STS: variants seen among roughly 807,000 people sequenced by gnomAD.
The protein encoded by STS is steroid sulfatase, also known as steryl-sulfatase.
STS carries 7 observed loss-of-function variants against 26.8 expected under a neutral mutation model. That is an observed-to-expected ratio of 0.26 (90% CI 0.15 to 0.49). The LOEUF (loss-of-function observed/expected upper bound fraction) is 0.49. Among genes scored for constraint, STS ranks in the 20% least tolerant of loss-of-function variants. The probability of loss-of-function intolerance (pLI) is 0.98; values close to 1 mark genes in which losing one functional copy is unlikely to be tolerated. For synonymous variants in STS, 199 were observed against 189.4 expected, an observed-to-expected ratio of 1.05 and a Z score of -0.42; for missense variants, 434 against 465.6, an observed-to-expected ratio of 0.93 and a Z score of 0.63.
intron 7 of STS, among the ~76,000 whole-genome samples, chrX:7,280,321 G>A: frequency 8.9e-6 from 1 of 111,738 alleles, no homozygotes; most frequent in Middle Eastern, 4.3e-3. Flanking sequence ...TGAGGGAGGT[G>A]CAGATAAAGT....
chrX:7,268,490 C>G (rs1261951469), intron 6 of STS, among the ~76,000 whole-genome samples: 1 of 110,987 alleles, frequency 9.0e-6, no homozygotes, highest in Non-Finnish European at 1.9e-5. Flanking sequence ...TCATTAGTTT[C>G]GATAAGAGTG....
intron 1 of STS, among the ~76,000 whole-genome samples, chrX:7,161,708 T>A (rs1933248912): frequency 8.9e-6 from 1 of 112,079 alleles, no homozygotes; most frequent in Non-Finnish European, 1.9e-5. Context: ...CCCGAGCAGA[T>A]TGAGTTGGAG....
chrX:7,194,138 C>T (rs1933928067), intron 2 of STS, among the ~76,000 whole-genome samples: 4 of 110,583 alleles, frequency 3.6e-5, no homozygotes, highest in Admixed American at 2.9e-4. Context: ...CTCCTGACCT[C>T]GTGTGGAGGC....
chrX:7,349,311 A>C (rs1490861542), intron 10 of STS, among the ~76,000 whole-genome samples: 1 of 49,145 alleles, frequency 2.0e-5, no homozygotes, highest in Non-Finnish European at 3.6e-5. Context: ...GCCCTCATTT[A>C]ATTCCTTTTT....
chrX:7,325,997 G>C (rs1364221349), intron 9 of STS, among the ~76,000 whole-genome samples: 1 of 112,055 alleles, frequency 8.9e-6, no homozygotes, highest in East Asian at 2.8e-4. Flanking sequence ...CAGGGGGAAA[G>C]TTGGAGTCAT....
Position 7,352,336 on chromosome X carries a change from A to C in STS, c.*2075A>C, listed in dbSNP as rs769869094. ...TGAATGCCTATTTGTGTCTAGAACC[A>C]GTTATTTAACCTGTAAAATGTCAAT... On this transcript the variant is annotated 3_prime_UTR_variant, in exon 11 of 11. Coordinates refer to ENST00000674429, the MANE Select transcript of STS (RefSeq NM_001320752.2). 2.7e-5 allele frequency: 3 copies of C among 112,446 alleles called. No individual in the cohort carries two copies. The highest frequency in any genetic ancestry group is 5.6e-5 in the Non-Finnish European group (3 of 53,303). The allele number at this position is 112,446 out of a possible 1,213,427, so 9.3% of individuals were successfully genotyped here.
chrX:7,347,910 G>C (rs1928596846), intron 10 of STS, among the ~76,000 whole-genome samples: 1 of 111,591 alleles, frequency 9.0e-6, no homozygotes, highest in Non-Finnish European at 1.9e-5. Context: ...ACGAGTGGAT[G>C]GGAAGCATCT....
At chrX:7,349,316 CTTTTTTTTTTTTTT>C (rs1178578773) in intron 10 of STS, among the ~76,000 whole-genome samples, 6 of 52,887 alleles carry the variant, frequency 1.1e-4, no homozygotes, top group East Asian at 6.1e-4. Flanking sequence ...CATTTAATTC[CTTTTTTTTTTTTTT>C]TTTTTTTTTT....
intron 7 of STS, among the ~76,000 whole-genome samples, chrX:7,294,565 T>C (rs980565743): frequency 8.0e-5 from 9 of 112,085 alleles, no homozygotes; most frequent in Admixed American, 1.9e-4. Flanking sequence ...ATTTAGTCTA[T>C]TTTAGTCACA....
intron 1 of STS, among the ~76,000 whole-genome samples, chrX:7,157,461 G>A (rs1423655080): frequency 1.8e-5 from 2 of 111,563 alleles, no homozygotes; most frequent in East Asian, 5.6e-4. Context: ...ACAGTTATAG[G>A]AATGTCAAAC....
chrX:7,326,836 G>A (rs751621633), intron 9 of STS, among the ~76,000 whole-genome samples: 11 of 111,559 alleles, frequency 9.9e-5, no homozygotes, highest in Non-Finnish European at 1.9e-4. Context: ...TCCAGAGATG[G>A]GTTTCCTCCC....
At chrX:7,327,637 G>A (rs1927544238) in intron 9 of STS, among the ~76,000 whole-genome samples, 3 of 110,504 alleles carry the variant, frequency 2.7e-5, no homozygotes, top group African/African-American at 6.6e-5. Context: ...CTCCTGCCTC[G>A]ACCTCCCAAA....
At chrX:7,158,658 G>T (rs1403360473) in intron 1 of STS, among the ~76,000 whole-genome samples, 1 of 111,735 alleles carries the variant, frequency 8.9e-6, no homozygotes, top group East Asian at 2.8e-4. Flanking sequence ...AAGCTTCCCC[G>T]TGTGTGCCCT....
chrX:7,271,740 C>T (rs188067743), intron 6 of STS, among the ~76,000 whole-genome samples: 2,131 of 99,312 alleles, frequency 0.021, 51 homozygotes, highest in African/African-American at 0.073. Flanking sequence ...TTTTAACTTT[C>T]TTGGCTGTGA....
intron 2 of STS, among the ~76,000 whole-genome samples, chrX:7,248,054 AAC>A (rs763724230): frequency 8.9e-6 from 1 of 112,181 alleles, no homozygotes; most frequent in East Asian, 2.8e-4. Context: ...AGGCAAGGTG[AAC>A]ACACATGAAA....
chrX:7,308,622 A>G (rs779189759), intron 8 of STS, among the ~76,000 whole-genome samples: 5 of 111,475 alleles, frequency 4.5e-5, no homozygotes, highest in South Asian at 3.8e-4. Flanking sequence ...TTTTTTTTTT[A>G]AAGAAATGTA....
At chrX:7,347,366 A>G (rs1427767790) in intron 10 of STS, among the ~76,000 whole-genome samples, 3 of 112,131 alleles carry the variant, frequency 2.7e-5, no homozygotes, top group Non-Finnish European at 3.8e-5. Flanking sequence ...AGTTTTTAAA[A>G]ATCCAAATGA....
At chrX:7,323,450 C>T (rs750617157) in intron 8 of STS, among the ~76,000 whole-genome samples, 15 of 111,144 alleles carry the variant, frequency 1.3e-4, no homozygotes, top group African/African-American at 4.6e-4. Context: ...TGTTTAGCTC[C>T]CACTTATAAG....
At chrX:7,211,524 C>T (rs1921030926) in intron 2 of STS, among the ~76,000 whole-genome samples, 1 of 112,113 alleles carries the variant, frequency 8.9e-6, no homozygotes, top group African/African-American at 3.2e-5. Context: ...TGGTGTCCAG[C>T]ATCTCTGTCC....
Sources: gnomAD v4.1 joint callset for allele counts (sites outside exome capture counted in the v4.1 genomes callset) on GRCh38, gnomAD v4.1.1 for gene constraint, MANE v1.5 for transcripts, NCBI Gene and HGNC (gene_info 2026-07-23, HGNC 2026-07-21) for gene names.